B3GALT1: variants seen among roughly 807,000 people sequenced by gnomAD.
B3GALT1 encodes the protein UDP-Gal:betaGlcNAc beta 1,3-galactosyltransferase, polypeptide 1.
A neutral mutation model predicts 23.2 loss-of-function variants in B3GALT1; 10 were observed. That is an observed-to-expected ratio of 0.43 (90% CI 0.27 to 0.73). B3GALT1 has a LOEUF of 0.73. Among genes scored for constraint, B3GALT1 ranks in the 30% least tolerant of loss-of-function variants. The pLI is 0.21. For synonymous variants in B3GALT1, 156 were observed against 141.5 expected, an observed-to-expected ratio of 1.10 and a Z score of -0.73; for missense variants, 299 against 405.4, an observed-to-expected ratio of 0.74 and a Z score of 2.25.
At chr2:167,455,497 A>G (rs979253384) in intron 1 of B3GALT1, among the ~76,000 whole-genome samples, 1 of 151,934 alleles carries the variant, frequency 6.6e-6, no homozygotes, top group Admixed American at 6.6e-5. Context: ...TATTTTCATT[A>G]GTTTTTATTT....
Position 167,652,325 on chromosome 2 carries a change from T to C in B3GALT1, c.-352+5359T>C, listed in dbSNP as rs995648733. ...TTCTTGTTTTAGTGGTGTGGAATTG[T>C]GGCTGGCCTTAGGATTGAATTCTAG... On this transcript the variant is annotated intron_variant, in intron 3 of 4. Coordinates refer to ENST00000392690, the MANE Select transcript of B3GALT1 (RefSeq NM_020981.4). Among the ~76,000 whole-genome samples, 7 of 152,304 alleles carry C rather than the reference T, an allele frequency of 4.6e-5. 1 individual carries two copies. The highest frequency in any genetic ancestry group is 6.8e-3 in the Middle Eastern group (2 of 294).
chr2:167,463,070 C>G (rs531616747), intron 1 of B3GALT1, among the ~76,000 whole-genome samples: 2 of 152,174 alleles, frequency 1.3e-5, no homozygotes, highest in South Asian at 2.1e-4. Flanking sequence ...CCTGAAGGTA[C>G]AACTTAAGTT....
chr2:167,802,450 G>T (rs896290184), intron 3 of B3GALT1, among the ~76,000 whole-genome samples: 3 of 152,150 alleles, frequency 2.0e-5, no homozygotes, highest in African/African-American at 7.2e-5. Context: ...ATGCATGATT[G>T]TTGTAAACAC....
At chr2:167,422,147 G>A (rs1053907769) in intron 1 of B3GALT1, among the ~76,000 whole-genome samples, 1 of 151,374 alleles carries the variant, frequency 6.6e-6, no homozygotes, top group African/African-American at 2.4e-5. Flanking sequence ...GGAGGAGGGA[G>A]GAAAGGAAGA....
chr2:167,520,754 G>A (rs758594437), intron 2 of B3GALT1, among the ~76,000 whole-genome samples: 11 of 152,244 alleles, frequency 7.2e-5, no homozygotes, highest in East Asian at 3.9e-4. Context: ...AAAGAAATGC[G>A]TTAGGATCTT....
intron 2 of B3GALT1, among the ~76,000 whole-genome samples, chr2:167,604,211 G>A (rs1196542699): frequency 1.3e-5 from 2 of 152,098 alleles, no homozygotes; most frequent in Non-Finnish European, 2.9e-5. Flanking sequence ...AGCTCCCAAA[G>A]ACAAGGAAAC....
At chr2:167,778,699 TTA>T (rs1688201922) in intron 3 of B3GALT1, among the ~76,000 whole-genome samples, 3 of 152,262 alleles carry the variant, frequency 2.0e-5, no homozygotes, top group South Asian at 4.1e-4. Context: ...AAACAGAATC[TTA>T]TGTTTTCTTT....
intron 2 of B3GALT1, chr2:167,558,371 A>C (rs986837668): frequency 6.5e-6 from 1 of 152,864 alleles, no homozygotes; most frequent in Non-Finnish European, 1.5e-5. Flanking sequence ...AGCTCGCAGC[A>C]TGAGCGACGC....
Position 167,698,189 on chromosome 2 carries a change from A to G in B3GALT1, c.-352+51223A>G, listed in dbSNP as rs181189529. On this transcript the variant is annotated intron_variant, in intron 3 of 4. Transcript: ENST00000392690. ...TTAGTAGTTCTATGGAAAGAAGGAAAGTATTTTGAAACATCTTGGTCATTG... is the reference window on the plus strand; with the variant it reads ...TTAGTAGTTCTATGGAAAGAAGGAAGGTATTTTGAAACATCTTGGTCATTG... Among the ~76,000 whole-genome samples, 398 of 152,312 alleles carry G rather than the reference A, an allele frequency of 2.6e-3. 2 individuals carry two copies. Among genetic ancestry groups the G allele is most frequent in the African/African-American group, 9.2e-3 (381 of 41,582 alleles).
chr2:167,816,204 G>A (rs1688989219), intron 3 of B3GALT1, among the ~76,000 whole-genome samples: 1 of 152,132 alleles, frequency 6.6e-6, no homozygotes, highest in South Asian at 2.1e-4. Flanking sequence ...AAATTTGCAT[G>A]TATATGTTTT....
intron 3 of B3GALT1, among the ~76,000 whole-genome samples, chr2:167,804,619 T>C (rs1346805938): frequency 6.6e-6 from 1 of 152,158 alleles, no homozygotes; most frequent in Non-Finnish European, 1.5e-5. Context: ...AGAATGATGG[T>C]TTCCAGCTTC....
chr2:167,701,234 A>G (rs1228536668), intron 3 of B3GALT1, among the ~76,000 whole-genome samples: 1 of 152,134 alleles, frequency 6.6e-6, no homozygotes, highest in Non-Finnish European at 1.5e-5. Flanking sequence ...GAATGGAGAT[A>G]GCAAATGCTA....
chr2:167,459,797 G>T (rs1339466882), intron 1 of B3GALT1, among the ~76,000 whole-genome samples: 1 of 152,140 alleles, frequency 6.6e-6, no homozygotes, highest in Non-Finnish European at 1.5e-5. Context: ...CAGTGGTAAT[G>T]AACTTTTGTT....
intron 3 of B3GALT1, chr2:167,714,340 T>G: frequency 6.7e-7 from 1 of 1,496,764 alleles, no homozygotes; most frequent in Non-Finnish European, 9.3e-7. Flanking sequence ...CACAGCTTGG[T>G]TCTCCTCTTT....
At chr2:167,431,976 T>C (rs1044526260) in intron 1 of B3GALT1, among the ~76,000 whole-genome samples, 1 of 152,138 alleles carries the variant, frequency 6.6e-6, no homozygotes, top group Non-Finnish European at 1.5e-5. Context: ...AGCTGGAGCA[T>C]GAACAAAGAA....
intron 3 of B3GALT1, among the ~76,000 whole-genome samples, chr2:167,694,170 G>C (rs1306136103): frequency 2.6e-5 from 4 of 151,962 alleles, no homozygotes. Flanking sequence ...TCACATTAGG[G>C]GTTAGGGTTT....
chr2:167,774,492 T>TTG (rs1688126587), intron 3 of B3GALT1, among the ~76,000 whole-genome samples: 1 of 82,576 alleles, frequency 1.2e-5, no homozygotes, highest in African/African-American at 6.1e-5. Flanking sequence ...TTTGTTTTTT[T>TTG]TTTTGTTTTT....
chr2:167,341,797 C>T (rs1291583286), intron 1 of B3GALT1, among the ~76,000 whole-genome samples: 2 of 152,168 alleles, frequency 1.3e-5, no homozygotes, highest in East Asian at 3.9e-4. Context: ...AAGATATTTC[C>T]TGTTGTTACT....
chr2:167,306,131 T>A (rs1696548619), intron 1 of B3GALT1, among the ~76,000 whole-genome samples: 1 of 152,072 alleles, frequency 6.6e-6, no homozygotes, highest in Non-Finnish European at 1.5e-5. Context: ...AAAGGTCATA[T>A]GTTTGAAGAT....
Sources: gnomAD v4.1 joint callset for allele counts (sites outside exome capture counted in the v4.1 genomes callset) on GRCh38, gnomAD v4.1.1 for gene constraint, MANE v1.5 for transcripts, NCBI Gene and HGNC (gene_info 2026-07-23, HGNC 2026-07-21) for gene names.